SLIT3: variants seen among roughly 807,000 people sequenced by gnomAD.
The protein encoded by SLIT3 is slit homolog 3 protein.
In SLIT3, 68 loss-of-function variants were observed where a neutral mutation model predicts 184.0. The observed-to-expected ratio is 0.37, with a 90% CI of 0.30 to 0.45. The LOEUF (loss-of-function observed/expected upper bound fraction) is 0.45. SLIT3 is among the 20% of genes least tolerant of loss of function. The pLI, the probability that SLIT3 is intolerant of heterozygous loss-of-function variation, is 1.00. For missense variants in SLIT3, 1,707 were observed against 2,026.0 expected (o/e 0.84, Z 3.02); for synonymous variants, 831 against 828.6 (o/e 1.00, Z -0.05).
intron 20 of SLIT3, among the ~76,000 whole-genome samples, chr5:168,740,810 C>A (rs1763605889): frequency 1.3e-5 from 2 of 152,200 alleles, no homozygotes; most frequent in African/African-American, 2.4e-5. Flanking sequence ...AGCCAATTAT[C>A]TTTGTTATTT....
At chr5:168,891,098 T>G (rs930191596) in intron 4 of SLIT3, among the ~76,000 whole-genome samples, 4 of 152,238 alleles carry the variant, frequency 2.6e-5, no homozygotes, top group African/African-American at 4.8e-5. Flanking sequence ...CAGTATATAA[T>G]GCAAATTCCT....
In SLIT3 at chr5:169,021,759, A is replaced by G. The variant is rs150076157; in HGVS notation, c.414-138423T>C. Reference sequence around the variant, plus strand: ...ATAATTCACCTTTGCCTTAAGGACCAATTGTCCCAGGATAGCATAGAGAAT... The same window carrying G: ...ATAATTCACCTTTGCCTTAAGGACCGATTGTCCCAGGATAGCATAGAGAAT... On this transcript the variant is annotated intron_variant, in intron 4 of 35. Transcript: ENST00000519560. Among the ~76,000 whole-genome samples, 430 of 152,344 alleles carry G rather than the reference A, an allele frequency of 2.8e-3. 1 individual carries two copies. Among genetic ancestry groups the G allele is most frequent in the African/African-American group, 9.8e-3 (409 of 41,588 alleles).
intron 2 of SLIT3, among the ~76,000 whole-genome samples, chr5:169,247,857 C>T (rs1474985855): frequency 6.6e-6 from 1 of 152,136 alleles, no homozygotes; most frequent in East Asian, 1.9e-4. Context: ...CTCCTGAGCT[C>T]AAGCAATCCA....
chr5:169,139,010 C>A (rs74862951), intron 4 of SLIT3, among the ~76,000 whole-genome samples: 4 of 152,316 alleles, frequency 2.6e-5, no homozygotes, highest in African/African-American at 9.6e-5. Flanking sequence ...CAGGCCCAGA[C>A]CCTCTTTTCT....
intron 23 of SLIT3, among the ~76,000 whole-genome samples, chr5:168,713,314 A>G (rs1294594799): frequency 6.6e-6 from 1 of 152,194 alleles, no homozygotes; most frequent in African/African-American, 2.4e-5. Flanking sequence ...TCACTTACAC[A>G]GTGGTGCCAT....
In SLIT3 at chr5:168,765,924, C is replaced by CG. The variant is rs368378978; in HGVS notation, c.1460-3236dup. Among the ~76,000 whole-genome samples the CG allele has an allele frequency of 3.0e-3, 448 of 151,628 alleles. 3 individuals carry two copies. The highest frequency in any genetic ancestry group is 0.01 in the African/African-American group (413 of 41,280). On this transcript the variant is annotated intron_variant, in intron 14 of 35. Coordinates refer to ENST00000519560, the MANE Select transcript of SLIT3 (RefSeq NM_003062.4). ...GTGATCACAGACAAGCTTTAATAGA[C>CG]GGGGGGGTGGGGGTAGGAGGTGGAA...
At chr5:169,023,430 T>C (rs1000722822) in intron 4 of SLIT3, among the ~76,000 whole-genome samples, 2 of 152,206 alleles carry the variant, frequency 1.3e-5, no homozygotes, top group Non-Finnish European at 2.9e-5. Context: ...ACTAAAGCTC[T>C]GTCATCTGTT....
At chr5:168,806,383 G>C in intron 9 of SLIT3, 63 bp downstream of exon 9, 1 of 1,590,108 alleles carries the variant, frequency 6.3e-7, no homozygotes, top group Non-Finnish European at 8.6e-7. Flanking sequence ...TGGGTGATGG[G>C]CTGGGACAGG....
At position 169,001,479 on chromosome 5, in the gene SLIT3, C is replaced by T. The variant is rs368684216; in HGVS notation, c.414-118143G>A. On this transcript the variant is annotated intron_variant, in intron 4 of 35. Coordinates refer to ENST00000519560, the MANE Select transcript of SLIT3 (RefSeq NM_003062.4). ...GTACAGGCACATAGGCGGGTCACGT[C>T]TTTTTTTTCCCTCCTTAAGTGTTAC... 1.3e-4 allele frequency among the ~76,000 whole-genome samples: 20 copies of T among 152,016 alleles called. No homozygotes were observed. The East Asian group carries it at 3.9e-3, about 29-fold the overall frequency.
chr5:169,285,804 ATG>A (rs1367225498), intron 1 of SLIT3, among the ~76,000 whole-genome samples: 1 of 152,208 alleles, frequency 6.6e-6, no homozygotes, highest in Non-Finnish European at 1.5e-5. Context: ...GGTGCCAGAC[ATG>A]TGAGTGAACA....
intron 12 of SLIT3, among the ~76,000 whole-genome samples, chr5:168,778,595 C>CTGAG (rs1461816004): frequency 2.0e-5 from 3 of 152,220 alleles, no homozygotes; most frequent in Non-Finnish European, 4.4e-5. Flanking sequence ...AGGTTCTTTA[C>CTGAG]TGAGTGGCTT....
intron 1 of SLIT3, among the ~76,000 whole-genome samples, chr5:169,291,035 C>T (rs995422960): frequency 6.6e-6 from 1 of 152,196 alleles, no homozygotes; most frequent in East Asian, 1.9e-4. Flanking sequence ...TGCCAAAGTG[C>T]GGAATGAATC....
chr5:169,212,398 T>C (rs1384461247), intron 3 of SLIT3, among the ~76,000 whole-genome samples: 1 of 152,272 alleles, frequency 6.6e-6, no homozygotes, highest in African/African-American at 2.4e-5. Context: ...TTCATGTTTG[T>C]TGGCTGCATA....
chr5:168,725,352 A>G (rs1464722601), intron 20 of SLIT3, among the ~76,000 whole-genome samples: 1 of 152,224 alleles, frequency 6.6e-6, no homozygotes, highest in Non-Finnish European at 1.5e-5. Flanking sequence ...ATTCCTACCT[A>G]TAAATAAAAG....
chr5:169,178,628 A>G (rs1763055818), intron 4 of SLIT3, among the ~76,000 whole-genome samples: 1 of 152,084 alleles, frequency 6.6e-6, no homozygotes, highest in South Asian at 2.1e-4. Context: ...TTCTATTACC[A>G]GATCTCTATC....
chr5:168,987,198 C>A (rs1330525525), intron 4 of SLIT3, among the ~76,000 whole-genome samples: 2 of 152,224 alleles, frequency 1.3e-5, no homozygotes, highest in Admixed American at 6.5e-5. Context: ...GGAATCCTGA[C>A]AACTCTAGTT....
intron 28 of SLIT3, 67 bp downstream of exon 28, chr5:168,696,225 A>C: frequency 6.3e-7 from 1 of 1,576,108 alleles, no homozygotes; most frequent in East Asian, 2.2e-5. Flanking sequence ...CCCTGGAGGA[A>C]GTTAAGAAAA....
At chr5:169,006,955 C>T (rs1755958424) in intron 4 of SLIT3, among the ~76,000 whole-genome samples, 1 of 152,086 alleles carries the variant, frequency 6.6e-6, no homozygotes, top group Non-Finnish European at 1.5e-5. Flanking sequence ...CAACTGCAAC[C>T]TGTAATGTGG....
Position 168,789,560 on chromosome 5 carries a change from A to G in SLIT3, c.1079T>C (p.Leu360Pro). ...AFQGLKSLTS[L>P]VLYGNKITEI... ...AGGCCCCAACTCGGGCCCCACTTAC[A>G]GCGATGTGAGTGATTTCAGGCCCTG... is the stretch of plus-strand genomic sequence containing the variant. Residue 360 changes from leucine (L) to proline (P), a missense_variant and splice_region_variant, in exon 11 of 36, where the codon CTG becomes CCG. Physicochemically the swap from Leu to Pro is moderately conservative, Grantham distance 98. This residue lies in a region of SLIT3 where 1,307 missense variants were observed against 1,511.6 expected (regional missense o/e 0.86). Coordinates refer to ENST00000519560, the MANE Select transcript of SLIT3 (RefSeq NM_003062.4). The G allele has an allele frequency of 6.2e-7, 1 of 1,612,066 alleles. No individual in the cohort carries two copies. The highest frequency in any genetic ancestry group is 2.2e-5 in the East Asian group (1 of 44,832).
Sources: gnomAD v4.1 joint callset for allele counts (sites outside exome capture counted in the v4.1 genomes callset) on GRCh38, gnomAD v4.1.1 for gene constraint, gnomAD v4.1.1 regional missense constraint, MANE v1.5 for transcripts, NCBI Gene and HGNC (gene_info 2026-07-23, HGNC 2026-07-21) for gene names.